SYNE1: variants seen among roughly 807,000 people sequenced by gnomAD.
The protein encoded by SYNE1 is spectrin repeat containing nuclear envelope protein 1, also known as nesprin-1.
SYNE1 carries 616 observed loss-of-function variants against 1,111.0 expected under a neutral mutation model. That is an observed-to-expected ratio of 0.55 (90% CI 0.52 to 0.59). SYNE1 has a LOEUF of 0.59. Among genes scored for constraint, SYNE1 ranks in the 20% least tolerant of loss-of-function variants. The pLI, the probability that SYNE1 is intolerant of heterozygous loss-of-function variation, is 0.00. For synonymous variants in SYNE1, 3,855 were observed against 3,825.8 expected (o/e 1.01, Z -0.28); for missense variants, 10,006 against 10,417.0 (o/e 0.96, Z 1.72).
Position 152,215,071 on chromosome 6 carries a change from G to A in SYNE1, c.22192-11C>T. 3 of 1,613,862 alleles carry A rather than the reference G, an allele frequency of 1.9e-6. No individual in the cohort carries two copies. The highest frequency in any genetic ancestry group is 2.5e-6 in the Non-Finnish European group (3 of 1,179,962). ...TTTTAACATCTGTCCCTAGAAGGAA[G>A]ATTTAAAAGTAGGTTTAGCACCATG... On this transcript the variant is annotated splice_polypyrimidine_tract_variant and intron_variant, in intron 121 of 145. Coordinates refer to ENST00000367255, the MANE Select transcript of SYNE1 (RefSeq NM_182961.4).
chr6:152,197,325 A>T (rs2074365646), intron 127 of SYNE1, among the ~76,000 whole-genome samples: 2 of 152,176 alleles, frequency 1.3e-5, no homozygotes, highest in South Asian at 4.1e-4. Flanking sequence ...GTCAGTGGAG[A>T]ATTCTACTCA....
At chr6:152,187,482 G>A (rs1361950123) in intron 128 of SYNE1, among the ~76,000 whole-genome samples, 1 of 152,022 alleles carries the variant, frequency 6.6e-6, no homozygotes, top group East Asian at 1.9e-4. Context: ...ATAAGAGTAG[G>A]GACATAAGAG....
At chr6:152,557,639 C>T (rs1241916481) in intron 3 of SYNE1, among the ~76,000 whole-genome samples, 1 of 152,012 alleles carries the variant, frequency 6.6e-6, no homozygotes, top group African/African-American at 2.4e-5. Context: ...GACTTGCAGG[C>T]CAGGAGAAAG....
At chr6:152,169,164 CCAAAAAGGACTACATGAT>C (rs1432817206) in intron 130 of SYNE1, among the ~76,000 whole-genome samples, 2 of 151,850 alleles carry the variant, frequency 1.3e-5, no homozygotes, top group Non-Finnish European at 2.9e-5. Context: ...TAAGTTCTTT[CCAAAAAGGACTACATGAT>C]GATTTGTAAC....
intron 18 of SYNE1, 55 bp downstream of exon 18, chr6:152,465,203 T>C: frequency 6.3e-7 from 1 of 1,580,234 alleles, no homozygotes; most frequent in African/African-American, 1.3e-5. Context: ...GCTGTAAAAG[T>C]CTCTCATTTT....
chr6:152,264,206 C>CAAAAAAA (rs56714685), intron 100 of SYNE1, among the ~76,000 whole-genome samples: 2 of 45,898 alleles, frequency 4.4e-5, no homozygotes, highest in Non-Finnish European at 7.4e-5. Context: ...GACTCCATCT[C>CAAAAAAA]AAAAAAAAAA....
intron 104 of SYNE1, among the ~76,000 whole-genome samples, chr6:152,252,578 C>T (rs2089651533): frequency 6.6e-6 from 1 of 152,096 alleles, no homozygotes; most frequent in African/African-American, 2.4e-5. Flanking sequence ...AAAAGCTAAT[C>T]CTGAAAGATT....
rs766238098 is a variant in SYNE1 at position 152,234,764 on chromosome 6, T to A, written c.20433A>T (p.Leu6811Phe). 1.7e-5 allele frequency: 28 copies of A among 1,614,118 alleles called. No individual in the cohort carries two copies. Among genetic ancestry groups the A allele is most frequent in the Admixed American group, 5.0e-5 (3 of 60,012 alleles). ...ATTCTAGCCGGTCTTTTGCAGATTG[T>A]AACCAGTGAATTAGATCTGCAGATT... ...QSESADLIHW[L>F]QSAKDRLEFW... Residue 6811 changes from leucine to phenylalanine, a missense_variant, in exon 111 of 146, where the codon TTA becomes TTT. Leu to Phe is a conservative substitution (Grantham distance 22). Coordinates refer to ENST00000367255, the MANE Select transcript of SYNE1 (RefSeq NM_182961.4).
chr6:152,228,917 T>C (rs1250085018), intron 115 of SYNE1, among the ~76,000 whole-genome samples: 3 of 20,444 alleles, frequency 1.5e-4, no homozygotes, highest in African/African-American at 4.6e-4. Context: ...GATGTGAGGC[T>C]TTTTTTTATT....
At chr6:152,249,976 A>G (rs1164085104) in intron 104 of SYNE1, among the ~76,000 whole-genome samples, 1 of 152,124 alleles carries the variant, frequency 6.6e-6, no homozygotes, top group African/African-American at 2.4e-5. Flanking sequence ...TTAAATTATA[A>G]AAAATTTTGG....
chr6:152,529,907 C>T (rs948129485), intron 4 of SYNE1, among the ~76,000 whole-genome samples: 5 of 152,022 alleles, frequency 3.3e-5, no homozygotes, highest in African/African-American at 1.2e-4. Flanking sequence ...AGCTCTCTCC[C>T]ACACCCTCAA....
At chr6:152,261,215 T>C (rs1050618397) in intron 101 of SYNE1, among the ~76,000 whole-genome samples, 3 of 152,206 alleles carry the variant, frequency 2.0e-5, no homozygotes, top group Middle Eastern at 3.2e-3. Context: ...TGACTTGGAA[T>C]GAGCCTAGAT....
intron 69 of SYNE1, among the ~76,000 whole-genome samples, chr6:152,352,761 C>T (rs2096764887): frequency 6.6e-6 from 1 of 152,126 alleles, no homozygotes; most frequent in Non-Finnish European, 1.5e-5. Context: ...CCACCTATTT[C>T]CCTTTAAAAT....
Position 152,447,636 on chromosome 6 carries a change from A to G in SYNE1, c.3505-14T>C. On this transcript the variant is annotated splice_polypyrimidine_tract_variant and intron_variant, in intron 28 of 145. Coordinates refer to ENST00000367255, the MANE Select transcript of SYNE1 (RefSeq NM_182961.4). ...ATTTCTGATCTCCTGAAATGAGAGA[A>G]CACTTTTGATGAACACAGTGCAATT... 1 of 1,614,154 alleles carries G rather than the reference A, an allele frequency of 6.2e-7. No individual in the cohort carries two copies. The highest frequency in any genetic ancestry group is 8.5e-7 in the Non-Finnish European group (1 of 1,179,996).
intron 4 of SYNE1, among the ~76,000 whole-genome samples, chr6:152,529,356 C>T (rs1272865685): frequency 6.6e-6 from 1 of 151,628 alleles, no homozygotes; most frequent in Non-Finnish European, 1.5e-5. Flanking sequence ...TCATTTCATA[C>T]TGTATGTGAG....
intron 137 of SYNE1, chr6:152,145,166 G>A (rs935828823): frequency 7.1e-5 from 27 of 381,100 alleles, no homozygotes; most frequent in Non-Finnish European, 9.6e-5. Context: ...ACCACACCAC[G>A]TAGAACACTA....
chr6:152,279,421 G>A (rs1446926361), intron 97 of SYNE1, among the ~76,000 whole-genome samples: 1 of 151,728 alleles, frequency 6.6e-6, no homozygotes, highest in East Asian at 1.9e-4. Context: ...TCAAAATTAA[G>A]AATATAAAGT....
At chr6:152,166,351 T>C (rs567143643) in intron 130 of SYNE1, among the ~76,000 whole-genome samples, 5 of 152,372 alleles carry the variant, frequency 3.3e-5, no homozygotes, top group South Asian at 2.1e-4. Context: ...ATTGTGTTTA[T>C]TTAATTAACA....
At chr6:152,520,565 G>A (rs2099134047) in intron 5 of SYNE1, 23 bp from the exon 6 acceptor site, 1 of 1,612,090 alleles carries the variant, frequency 6.2e-7, no homozygotes, top group Non-Finnish European at 8.5e-7. Flanking sequence ...GGGTAAAAAA[G>A]GGAATGAGAC....
Sources: gnomAD v4.1 joint callset for allele counts (sites outside exome capture counted in the v4.1 genomes callset) on GRCh38, gnomAD v4.1.1 for gene constraint, MANE v1.5 for transcripts, NCBI Gene and HGNC (gene_info 2026-07-23, HGNC 2026-07-21) for gene names.